TEP1: variants seen among roughly 807,000 people sequenced by gnomAD.
The protein encoded by TEP1 is telomerase associated protein 1.
TEP1 carries 241 observed loss-of-function variants against 306.3 expected under a neutral mutation model. The observed-to-expected ratio is 0.79, with a 90% CI of 0.71 to 0.88. The LOEUF is 0.88. Among genes scored for constraint, TEP1 ranks in the 40% least tolerant of loss-of-function variants. TEP1 has a pLI of 0.00. For synonymous variants in TEP1, 1,289 were observed against 1,305.5 expected (o/e 0.99, Z 0.27); for missense variants, 3,051 against 3,276.1 (o/e 0.93, Z 1.68).
Position 20,368,197 on chromosome 14 carries a change from T to C in TEP1, c.*240A>G. The stretch of plus-strand genomic sequence containing the variant: ...TTCATTCACTTTCTTGTGGTTCTAG[T>C]AAGGATTAATGTTGAATAAGAAGAG... On this transcript the variant is annotated 3_prime_UTR_variant, in exon 55 of 55. Coordinates refer to ENST00000262715, the MANE Select transcript of TEP1 (RefSeq NM_007110.5). 1 of 337,872 alleles carries C rather than the reference T, an allele frequency of 3.0e-6. No homozygotes were observed. Among genetic ancestry groups the C allele is most frequent in the Non-Finnish European group, 5.3e-6 (1 of 188,860 alleles). The allele number at this position is 337,872 out of a possible 1,614,324, so 20.9% of individuals were successfully genotyped here.
chr14:20,380,038 C>G lies in TEP1; in HGVS notation c.5019G>C (p.Leu1673=), dbSNP rs1374697111. The change falls in exon 35 of 55, where the codon CTG becomes CTC. Residue 1673 remains leucine (L), a synonymous_variant. Transcript: ENST00000262715. ...CAGCAGTAGGGGATGAGGAAACTGC[C>G]AGAGACAGGCTGGAGCTAGAGAAAG... ...MKNQQSSSLS[L]AVSSSPTAVA... 1 of 1,612,872 alleles carries G rather than the reference C, an allele frequency of 6.2e-7. No individual in the cohort carries two copies. The highest frequency in any genetic ancestry group is 8.5e-7 in the Non-Finnish European group (1 of 1,179,736).
In TEP1 at chr14:20,384,990, G is replaced by A. The variant is rs371195932; in HGVS notation, c.3102C>T (p.Phe1034=). The A allele has an allele frequency of 6.2e-7, 1 of 1,614,110 alleles. No individual in the cohort carries two copies. The highest frequency in any genetic ancestry group is 1.3e-5 in the African/African-American group (1 of 74,954). Residue 1034 remains phenylalanine, a synonymous_variant, in exon 21 of 55, where the codon TTC becomes TTT. Coordinates refer to ENST00000262715, the MANE Select transcript of TEP1 (RefSeq NM_007110.5). ...QALIYFRDSS[F]LSSVPDAWKS... is the part of the protein sequence containing the mutation. ...CTGCAGGCAACAGACAGTACCTGAG[G>A]AAGCTGGAATCCCGGAAGTAGATGA...
intron 1 of TEP1, among the ~76,000 whole-genome samples, chr14:20,410,575 A>T (rs2139219260): frequency 6.7e-6 from 1 of 149,894 alleles, no homozygotes; most frequent in South Asian, 2.1e-4. Context: ...GGCGCCCGCC[A>T]CTATGCCCAG....
intron 12 of TEP1, among the ~76,000 whole-genome samples, chr14:20,394,763 G>T (rs909949105): frequency 6.6e-6 from 1 of 152,118 alleles, no homozygotes; most frequent in Non-Finnish European, 1.5e-5. Flanking sequence ...CAAAGTTCTG[G>T]GATTACAGGC....
At chr14:20,410,799 GTGGTT>G (rs1879613532) in intron 1 of TEP1, among the ~76,000 whole-genome samples, 3 of 115,438 alleles carry the variant, frequency 2.6e-5, no homozygotes, top group South Asian at 2.6e-4. Context: ...TTTCTCCTTT[GTGGTT>G]TTTTTTTTTT....
At chr14:20,398,869 C>CCCTCTGG (rs765490502) in intron 9 of TEP1, among the ~76,000 whole-genome samples, 1 of 152,038 alleles carries the variant, frequency 6.6e-6, no homozygotes, top group Non-Finnish European at 1.5e-5. Context: ...AAGCTTTCAG[C>CCCTCTGG]CCTCTGGAAG....
chr14:20,399,667 C>T (rs917795578), intron 9 of TEP1, among the ~76,000 whole-genome samples: 3 of 116,668 alleles, frequency 2.6e-5, no homozygotes, highest in Admixed American at 9.5e-5. Context: ...AGTACATATA[C>T]ATATATTCTG....
Position 20,396,621 on chromosome 14 carries a change from C to G in TEP1, c.1659G>C (p.Ala553=), listed in dbSNP as rs751304753. ...ATGGCTACCAGCCCCTCACACATAC[C>G]GCATGCTGGAGTCTCTGGAGAATGA... is the stretch of plus-strand genomic sequence containing the variant. ...HELILQRLQH[A]KSVIHSRQFP... Residue 553 remains alanine (A), a splice_region_variant and synonymous_variant, in exon 10 of 55, where the codon GCG becomes GCC. Coordinates refer to ENST00000262715, the MANE Select transcript of TEP1 (RefSeq NM_007110.5). 1 of 1,605,260 alleles carries G rather than the reference C, an allele frequency of 6.2e-7. No individual in the cohort carries two copies. The highest frequency in any genetic ancestry group is 1.1e-5 in the South Asian group (1 of 90,710).
chr14:20,409,049 C>T (rs990473728), intron 1 of TEP1, among the ~76,000 whole-genome samples: 2 of 152,150 alleles, frequency 1.3e-5, no homozygotes, highest in African/African-American at 4.8e-5. Context: ...ACCCCAGCTT[C>T]CTTGCCTCCT....
chr14:20,400,497 C>CAAAA (rs71108598), intron 9 of TEP1, among the ~76,000 whole-genome samples: 25 of 85,470 alleles, frequency 2.9e-4, no homozygotes, highest in African/African-American at 7.7e-4. Context: ...AAAAGTAGAC[C>CAAAA]AAAAAAAAAA....
chr14:20,387,982 T>C lies in TEP1; in HGVS notation c.2607A>G (p.Pro869=), dbSNP rs767385567. The change falls in exon 18 of 55, where the codon CCA becomes CCG. Residue 869 remains proline, a synonymous_variant. Transcript: ENST00000262715. ...GGAGAGACTGGACCCCTGTCTTTCC[T>C]GGGGGTGGTGGAATCTTGAATATTT... is the stretch of plus-strand genomic sequence containing the variant. ...MDKIFKIPPP[P]GKTGVQSLRP... 1 of 1,614,086 alleles carries C rather than the reference T, an allele frequency of 6.2e-7. No homozygotes were observed. Among genetic ancestry groups the C allele is most frequent in the Non-Finnish European group, 8.5e-7 (1 of 1,179,988 alleles).
intron 17 of TEP1, 122 bp from the exon 18 acceptor site, chr14:20,388,185 T>G: frequency 9.9e-7 from 1 of 1,013,046 alleles, no homozygotes; most frequent in Non-Finnish European, 1.5e-6. Context: ...GTCAAGCTCC[T>G]TAAGAAGAGG....
intron 5 of TEP1, 104 bp from the exon 6 acceptor site, chr14:20,403,988 G>T: frequency 1.4e-6 from 2 of 1,471,548 alleles, no homozygotes; most frequent in Non-Finnish European, 9.2e-7. Context: ...AGAGTAGCGA[G>T]CAAGTTCCCA....
chr14:20,408,170 G>C lies in TEP1; in HGVS notation c.270C>G (p.Thr90=). Residue 90 remains threonine (T), a synonymous_variant, in exon 2 of 55, where the codon ACC becomes ACG. Coordinates refer to ENST00000262715, the MANE Select transcript of TEP1 (RefSeq NM_007110.5). ...QCLATLSDLK[T]MEKPHGHVSA... Reference sequence around the variant, plus strand: ...AAACATGTCCATGTGGTTTCTCCATGGTCTTCAGGTCAGAAAGTGTGGCCA... The same window carrying C: ...AAACATGTCCATGTGGTTTCTCCATCGTCTTCAGGTCAGAAAGTGTGGCCA... The C allele has an allele frequency of 6.2e-7, 1 of 1,612,690 alleles. No individual in the cohort carries two copies. Among genetic ancestry groups the C allele is most frequent in the Non-Finnish European group, 8.5e-7 (1 of 1,179,842 alleles).
chr14:20,401,753 T>C (rs1437343893), intron 7 of TEP1, among the ~76,000 whole-genome samples, 172 bp from the exon 8 acceptor site: 1 of 152,100 alleles, frequency 6.6e-6, no homozygotes, highest in East Asian at 1.9e-4. Flanking sequence ...CAACAAGAGC[T>C]CCCATGGTAA....
rs1462164053 is a variant in TEP1 at position 20,401,487 on chromosome 14, G to A, written c.1361C>T (p.Ala454Val). ...ACCCAGCAGGGCTTGAACGTGCTGG[G>A]CAGGCTTGTGGATGTGCAGTCGCTG... is the stretch of plus-strand genomic sequence containing the variant. The part of the protein sequence containing the change: ...LVQRLHIHKP[A>V]QHVQALLGYR... The change falls in exon 8 of 55, where the codon GCC (alanine) becomes GTC (valine). Residue 454 changes from alanine to valine, a missense_variant. By Grantham distance (64) the Ala-to-Val change is moderately conservative (BLOSUM62 0). Coordinates refer to ENST00000262715, the MANE Select transcript of TEP1 (RefSeq NM_007110.5). 1 of 1,614,204 alleles carries A rather than the reference G, an allele frequency of 6.2e-7. No homozygotes were observed. The highest frequency in any genetic ancestry group is 1.7e-5 in the Admixed American group (1 of 60,022).
chr14:20,384,353 C>A (rs570964029), intron 23 of TEP1, 38 bp downstream of exon 23: 3 of 1,612,960 alleles, frequency 1.9e-6, no homozygotes, highest in Non-Finnish European at 1.7e-6. Flanking sequence ...CACCCCATGT[C>A]CCTCTCCATG....
At chr14:20,409,156 A>G (rs1394530458) in intron 1 of TEP1, among the ~76,000 whole-genome samples, 1 of 152,128 alleles carries the variant, frequency 6.6e-6, no homozygotes, top group Non-Finnish European at 1.5e-5. Context: ...ATAAATAAAT[A>G]TATCTTGGCC....
rs1877635493 is a variant in TEP1 at position 20,390,764 on chromosome 14, G to A, written c.2257-6C>T. 3.1e-6 allele frequency: 5 copies of A among 1,614,144 alleles called. No individual in the cohort carries two copies. The highest frequency in any genetic ancestry group is 4.2e-6 in the Non-Finnish European group (5 of 1,180,002). On this transcript the variant is annotated splice_region_variant and splice_polypyrimidine_tract_variant and intron_variant, in intron 14 of 54. Transcript: ENST00000262715. ...CCATCATTTTCATCAAACTCCTGAAGGAAAGAGACTTCATGTTATGTGGTT... is the reference window on the plus strand; with the variant it reads ...CCATCATTTTCATCAAACTCCTGAAAGAAAGAGACTTCATGTTATGTGGTT...
Sources: allele counts gnomAD v4.1 joint callset (sites outside exome capture counted in the v4.1 genomes callset), GRCh38; gene constraint gnomAD v4.1.1; transcripts MANE v1.5; gene names NCBI Gene and HGNC (gene_info 2026-07-23, HGNC 2026-07-21).